CNTN5: variants seen among roughly 807,000 people sequenced by gnomAD.
CNTN5 encodes the protein contactin-5.
Under a neutral mutation model 129.1 loss-of-function variants are expected in CNTN5, and 77 were observed. The ratio of observed to expected loss-of-function variants is 0.60; its 90% CI spans 0.50 to 0.72. CNTN5 has a LOEUF of 0.72. CNTN5 is among the 30% of genes least tolerant of loss of function. CNTN5 has a pLI of 0.00. For synonymous variants in CNTN5, 509 were observed against 465.6 expected (o/e 1.09, Z -1.20); for missense variants, 1,478 against 1,328.8 (o/e 1.11, Z -1.75).
In CNTN5 at chr11:100,296,831, G is replaced by A. The variant is rs545772287; in HGVS notation, c.2315-794G>A. Reference sequence around the variant, plus strand: ...TATTGTTTATGAGTATATCAATATCGTTTAAAAATGATATGCCGGAATAGA... The same window carrying A: ...TATTGTTTATGAGTATATCAATATCATTTAAAAATGATATGCCGGAATAGA... On this transcript the variant is annotated intron_variant, in intron 18 of 24. Coordinates refer to ENST00000524871, the MANE Select transcript of CNTN5 (RefSeq NM_014361.4). Among the ~76,000 whole-genome samples the A allele has an allele frequency of 2.0e-3, 301 of 151,528 alleles. 4 individuals are homozygous for A. The highest frequency in any genetic ancestry group is 6.9e-3 in the African/African-American group (284 of 41,452).
At chr11:99,391,253 T>C (rs984485451) in intron 2 of CNTN5, among the ~76,000 whole-genome samples, 1 of 152,160 alleles carries the variant, frequency 6.6e-6, no homozygotes, top group African/African-American at 2.4e-5. Context: ...ATCGTAAAAA[T>C]AGCATGACTA....
At chr11:100,291,524 C>T (rs976387166) in intron 18 of CNTN5, among the ~76,000 whole-genome samples, 10 of 149,362 alleles carry the variant, frequency 6.7e-5, no homozygotes, top group South Asian at 2.1e-4. Flanking sequence ...AACCAAACAC[C>T]GCATATTCTC....
chr11:99,923,078 C>A (rs1438514305), intron 7 of CNTN5, among the ~76,000 whole-genome samples: 1 of 152,180 alleles, frequency 6.6e-6, no homozygotes, highest in Non-Finnish European at 1.5e-5. Context: ...AAACAGCCCA[C>A]AGATCCATTT....
At chr11:100,170,496 G>C (rs967094285) in intron 13 of CNTN5, among the ~76,000 whole-genome samples, 1 of 151,894 alleles carries the variant, frequency 6.6e-6, no homozygotes, top group South Asian at 2.1e-4. Context: ...ACTTATTCTT[G>C]ATTTCCTCAT....
intron 17 of CNTN5, among the ~76,000 whole-genome samples, chr11:100,269,439 T>G (rs1357034693): frequency 6.6e-6 from 1 of 152,192 alleles, no homozygotes; most frequent in African/African-American, 2.4e-5. Context: ...GACCTTAGTT[T>G]TGTTTTTCAG....
intron 13 of CNTN5, among the ~76,000 whole-genome samples, chr11:100,102,370 A>G (rs1945253172): frequency 6.6e-6 from 1 of 152,022 alleles, no homozygotes; most frequent in Non-Finnish European, 1.5e-5. Context: ...TCTTCTTTTG[A>G]GAATTGTCTA....
chr11:99,112,538 T>G (rs1227383822), intron 1 of CNTN5, among the ~76,000 whole-genome samples: 1 of 152,068 alleles, frequency 6.6e-6, no homozygotes. Flanking sequence ...ACACGTTTCT[T>G]TTGTTGGCAC....
At chr11:99,983,588 G>T (rs1476879006) in intron 8 of CNTN5, among the ~76,000 whole-genome samples, 3 of 152,324 alleles carry the variant, frequency 2.0e-5, no homozygotes, top group Non-Finnish European at 2.9e-5. Context: ...GTAGTAGTAG[G>T]AGGAGAACAG....
chr11:99,037,138 A>G (rs1281251788), intron 1 of CNTN5, among the ~76,000 whole-genome samples: 1 of 152,238 alleles, frequency 6.6e-6, no homozygotes, highest in Non-Finnish European at 1.5e-5. Context: ...TAATCCAGAT[A>G]AATGAGCCTG....
intron 1 of CNTN5, among the ~76,000 whole-genome samples, chr11:99,073,428 T>C (rs1458785930): frequency 1.3e-5 from 2 of 149,180 alleles, no homozygotes; most frequent in African/African-American, 4.9e-5. Flanking sequence ...CTGTGCTGAA[T>C]GTGCAGGTTT....
intron 1 of CNTN5, among the ~76,000 whole-genome samples, chr11:99,083,706 T>A (rs1417211360): frequency 1.3e-5 from 2 of 152,176 alleles, no homozygotes; most frequent in African/African-American, 4.8e-5. Context: ...ATATACAACA[T>A]TTTTAGTGGA....
intron 3 of CNTN5, among the ~76,000 whole-genome samples, chr11:99,640,395 A>G (rs558888958): frequency 1.3e-5 from 2 of 152,338 alleles, no homozygotes; most frequent in African/African-American, 4.8e-5. Context: ...AGAGAAAATG[A>G]GGAAGAAGCA....
intron 17 of CNTN5, among the ~76,000 whole-genome samples, chr11:100,268,165 T>C (rs555615367): frequency 6.6e-6 from 1 of 152,242 alleles, no homozygotes; most frequent in African/African-American, 2.4e-5. Context: ...AGGAATGAGA[T>C]AAAGAGTTCC....
chr11:99,911,455 G>A (rs1027909365), intron 6 of CNTN5, among the ~76,000 whole-genome samples: 4 of 151,832 alleles, frequency 2.6e-5, no homozygotes, highest in South Asian at 2.1e-4. Context: ...ATCAACCACA[G>A]CGTTTTACTT....
chr11:100,079,635 T>TA (rs1417371982), intron 13 of CNTN5, among the ~76,000 whole-genome samples: 2 of 150,268 alleles, frequency 1.3e-5, no homozygotes, highest in Non-Finnish European at 1.5e-5. Context: ...TGAAGTATTT[T>TA]AAAGACTTTT....
intron 3 of CNTN5, among the ~76,000 whole-genome samples, chr11:99,648,224 G>A (rs555468953): frequency 5.1e-4 from 78 of 151,998 alleles, no homozygotes; most frequent in African/African-American, 1.8e-3. Flanking sequence ...GATGTATCAT[G>A]TTTATTGATT....
intron 4 of CNTN5, among the ~76,000 whole-genome samples, chr11:99,831,215 A>G (rs1394213292): frequency 1.3e-5 from 2 of 152,158 alleles, no homozygotes; most frequent in East Asian, 3.9e-4. Flanking sequence ...AAATTTGTTT[A>G]TTCCTCTAAC....
intron 2 of CNTN5, among the ~76,000 whole-genome samples, chr11:99,408,475 A>AAAGAAAGAAAG (rs1942228293): frequency 7.3e-6 from 1 of 137,928 alleles, no homozygotes; most frequent in African/African-American, 2.6e-5. Flanking sequence ...AGAAAGAAAG[A>AAAGAAAGAAAG]AAGAAAGAAA....
In CNTN5 at chr11:99,373,077, C is replaced by T. The variant is rs369000366; in HGVS notation, c.-71+47593C>T. On this transcript the variant is annotated intron_variant, in intron 2 of 24. Coordinates refer to ENST00000524871, the MANE Select transcript of CNTN5 (RefSeq NM_014361.4). The stretch of plus-strand genomic sequence containing the variant: ...TACAAAAATTAGCGGGGCATGGTGG[C>T]ACATGGCTGTAATCCCAGCTACTCA... 2.7e-5 allele frequency among the ~76,000 whole-genome samples: 4 copies of T among 147,866 alleles called. No individual in the cohort carries two copies. The East Asian group carries it at 6.0e-4, about 22-fold the overall frequency.
Sources: allele counts gnomAD v4.1 joint callset (sites outside exome capture counted in the v4.1 genomes callset), GRCh38; gene constraint gnomAD v4.1.1; transcripts MANE v1.5; gene names NCBI Gene and HGNC (gene_info 2026-07-23, HGNC 2026-07-21).